The following CHPF variants were observed in gnomAD, a reference collection of about 807,000 sequenced individuals.
The protein encoded by CHPF is chondroitin polymerizing factor.
A neutral mutation model predicts 55.1 loss-of-function variants in CHPF; 34 were observed. That is an observed-to-expected ratio of 0.62 (90% CI 0.47 to 0.82). The LOEUF (loss-of-function observed/expected upper bound fraction) is 0.82. CHPF is among the 40% of genes least tolerant of loss of function. The probability of loss-of-function intolerance (pLI) is 0.00; values close to 1 mark genes in which losing one functional copy is unlikely to be tolerated. For synonymous variants in CHPF, 489 were observed against 496.6 expected, an observed-to-expected ratio of 0.98 and a Z score of 0.20; for missense variants, 961 against 1,106.1, an observed-to-expected ratio of 0.87 and a Z score of 1.86.
chr2:219,541,850 C>G lies in CHPF; in HGVS notation c.654G>C (p.Leu218=). 6.2e-7 allele frequency: 1 copy of G among 1,611,008 alleles called. No homozygotes were observed. Among genetic ancestry groups the G allele is most frequent in the Non-Finnish European group, 8.5e-7 (1 of 1,178,806 alleles). The change falls in exon 2 of 4, where the codon CTG becomes CTC. Residue 218 remains leucine (L), a synonymous_variant. Transcript: ENST00000243776. ...GLARLTGHLS[L]ASAAHLYLGR... ...CCAGGTACAGGTGGGCGGCGGAGGC[C>G]AGGCTGAGGTGGCCAGTTAGGCGTG...
In CHPF at chr2:219,541,760, C is replaced by T; in HGVS notation, c.744G>A (p.Gly248=). 1 of 1,610,040 alleles carries T rather than the reference C, an allele frequency of 6.2e-7. No homozygotes were observed. The highest frequency in any genetic ancestry group is 8.5e-7 in the Non-Finnish European group (1 of 1,178,280). The change falls in exon 2 of 4, where the codon GGG becomes GGA. Residue 248 remains glycine, a synonymous_variant. Transcript: ENST00000243776. ...TPGRYCHGGF[G]VLLSRMLLQQ... Reference sequence around the variant, plus strand: ...GCAGCAGCATGCGCGACAGCAGCACCCCAAAGCCTCCGTGGCAGTAGCGGC... The same window carrying T: ...GCAGCAGCATGCGCGACAGCAGCACTCCAAAGCCTCCGTGGCAGTAGCGGC...
At chr2:219,540,852 G>C in intron 3 of CHPF, 94 bp downstream of exon 3, 1 of 1,510,916 alleles carries the variant, frequency 6.6e-7, no homozygotes, top group South Asian at 1.2e-5. Context: ...GTTTTGTTCT[G>C]TGATTCTAGT....
rs760742426 is a variant in CHPF at position 219,542,033 on chromosome 2, G to A, written c.471C>T (p.Arg157=). ...RVVFLTGARG[R]RAPPGMAVVT... The stretch of plus-strand genomic sequence containing the variant: ...CCACTGCCATGCCAGGTGGGGCCCG[G>A]CGGCCCCGTGCGCCCGTCAGGAACA... The change falls in exon 2 of 4, where the codon CGC becomes CGT. Residue 157 remains arginine (R), a synonymous_variant. Coordinates refer to ENST00000243776, the MANE Select transcript of CHPF (RefSeq NM_024536.6). 1.3e-5 allele frequency: 21 copies of A among 1,588,682 alleles called. No homozygotes were observed. In the East Asian group the frequency reaches 4.8e-4, roughly 36 times the overall value.
intron 1 of CHPF, chr2:219,542,856 G>A (rs918928123): frequency 3.1e-5 from 32 of 1,046,658 alleles, no homozygotes; most frequent in Non-Finnish European, 3.3e-5. Context: ...TCAGGAACAA[G>A]AGATCCAGGT....
At position 219,542,029 on chromosome 2, in the gene CHPF, C is replaced by A. The variant is rs1483064009; in HGVS notation, c.475G>T (p.Ala159Ser). ...GTCACCACTGCCATGCCAGGTGGGG[C>A]CCGGCGGCCCCGTGCGCCCGTCAGG... ...VFLTGARGRRAPPGMAVVTLG... is the reference protein window; with the variant it reads ...VFLTGARGRRSPPGMAVVTLG... The change falls in exon 2 of 4, where the codon GCC becomes TCC. Residue 159 changes from alanine (A) to serine (S), a missense_variant. This residue lies in a region of CHPF where 936 missense variants were observed against 1,058.4 expected (regional missense o/e 0.88). Coordinates refer to ENST00000243776, the MANE Select transcript of CHPF (RefSeq NM_024536.6). The A allele has an allele frequency of 6.3e-6, 10 of 1,591,462 alleles. No homozygotes were observed. The African/African-American group carries it at 1.3e-4, about 21-fold the overall frequency.
rs1347767374 is a variant in CHPF, at chr2:219,541,865, A to T, written c.639T>A (p.Thr213=). ...CGGCGGAGGCCAGGCTGAGGTGGCC[A>T]GTTAGGCGTGCCAGGCCGTGCGCCT... is the stretch of plus-strand genomic sequence containing the variant. ...YTEAHGLARL[T]GHLSLASAAH... is the part of the protein sequence containing the mutation. The change falls in exon 2 of 4, where the codon ACT becomes ACA. Residue 213 remains threonine, a synonymous_variant. Coordinates refer to ENST00000243776, the MANE Select transcript of CHPF (RefSeq NM_024536.6). 2.5e-6 allele frequency: 4 copies of T among 1,612,570 alleles called. No individual in the cohort carries two copies. In the South Asian group the frequency reaches 4.4e-5, roughly 18 times the overall value.
chr2:219,541,023 C>G lies in CHPF; in HGVS notation c.991G>C (p.Val331Leu). ...GCTTTGTGCAGCTGGTACATGTGCA[C>G]AGGGTCACGCACAGGGTGGGCTGTC... ...ALTAHPVRDP[V>L]HMYQLHKAFA... Residue 331 changes from valine (V) to leucine (L), a missense_variant, in exon 3 of 4, where the codon GTG (valine) becomes CTG (leucine). Val to Leu is a conservative substitution (Grantham distance 32). Around this residue, in one of 3 missense-constraint regions of CHPF, gnomAD observed 936 missense variants for 1,058.4 expected, o/e 0.88. Transcript: ENST00000243776. The G allele has an allele frequency of 6.2e-7, 1 of 1,614,034 alleles. No individual in the cohort carries two copies. Among genetic ancestry groups the G allele is most frequent in the Non-Finnish European group, 8.5e-7 (1 of 1,179,970 alleles).
In CHPF at chr2:219,540,007, G is replaced by A; in HGVS notation, c.1704C>T (p.Ala568=). The part of the protein sequence containing the change: ...AHADVFAPVK[A]HVAELERRFP... ...AACGCCGCTCCAGCTCTGCCACGTG[G>A]GCCTTGACAGGTGCGAAGACATCTG... is the stretch of plus-strand genomic sequence containing the variant. The change falls in exon 4 of 4, where the codon GCC becomes GCT. Residue 568 remains alanine, a synonymous_variant. Transcript: ENST00000243776. The A allele has an allele frequency of 4.3e-6, 7 of 1,613,604 alleles. No homozygotes were observed. The highest frequency in any genetic ancestry group is 5.9e-6 in the Non-Finnish European group (7 of 1,179,964).
chr2:219,541,191 G>A, intron 2 of CHPF, 66 bp from the exon 3 acceptor site: 2 of 1,421,738 alleles, frequency 1.4e-6, no homozygotes, highest in Non-Finnish European at 9.4e-7. Context: ...CATAGTAAGT[G>A]TCTCATCTCC....
In CHPF at chr2:219,539,551, C is replaced by G. The variant is rs148492233; in HGVS notation, c.2160G>C (p.Leu720=). The G allele has an allele frequency of 2.8e-5, 45 of 1,613,930 alleles. No homozygotes were observed. The African/African-American group carries it at 4.8e-4, about 17-fold the overall frequency. ...LFLHFSSLHV[L]RAVEPALLQR... The stretch of plus-strand genomic sequence containing the variant: ...GCAGCAGCGCCGGCTCCACCGCCCG[C>G]AGCACATGCAGACTGGAGAAGTGGA... The change falls in exon 4 of 4, where the codon CTG becomes CTC. Residue 720 remains leucine, a synonymous_variant. Coordinates refer to ENST00000243776, the MANE Select transcript of CHPF (RefSeq NM_024536.6).
At chr2:219,541,561 T>C in intron 2 of CHPF, 55 bp downstream of exon 2, 2 of 1,383,488 alleles carry the variant, frequency 1.4e-6, no homozygotes. Flanking sequence ...CCTTTGCCTC[T>C]CAGAGGGATT....
Position 219,541,175 on chromosome 2 carries a change from T to C in CHPF, c.889-50A>G, listed in dbSNP as rs984670661. 35 of 1,500,624 alleles carry C rather than the reference T, an allele frequency of 2.3e-5. No homozygotes were observed. In the East Asian group the frequency reaches 8.0e-4, roughly 34 times the overall value. The allele number at this position is 1,500,624 out of a possible 1,614,324, so 93.0% of individuals were successfully genotyped here. A position where few individuals can be genotyped will look rare whatever the true frequency, so the allele number is the denominator to read the frequency against. ...TGTGATGAGCTGGCATTGTCTTCCGTTGTCTCATAGTAAGTGTCTCATCTC... is the reference window on the plus strand; with the variant it reads ...TGTGATGAGCTGGCATTGTCTTCCGCTGTCTCATAGTAAGTGTCTCATCTC... On this transcript the variant is annotated intron_variant, in intron 2 of 3. Transcript: ENST00000243776.
chr2:219,543,153 G>A (rs574069449), intron 1 of CHPF, 72 bp downstream of exon 1: 4 of 1,372,170 alleles, frequency 2.9e-6, no homozygotes, highest in Non-Finnish European at 1.9e-6. Context: ...AGCCTGACCC[G>A]GGCCCGGGCG....
intron 1 of CHPF, 186 bp downstream of exon 1, chr2:219,543,039 C>T (rs1695311382): frequency 1.5e-6 from 2 of 1,359,822 alleles, no homozygotes; most frequent in East Asian, 3.1e-5. Context: ...CGGGATAGGG[C>T]CCAGAGAAAG....
Position 219,539,791 on chromosome 2 carries a change from A to C in CHPF, c.1920T>G (p.Phe640Leu), listed in dbSNP as rs1695223867. 1.2e-6 allele frequency: 2 copies of C among 1,613,358 alleles called. No homozygotes were observed. Among genetic ancestry groups the C allele is most frequent in the Non-Finnish European group, 1.7e-6 (2 of 1,180,002 alleles). Residue 640 changes from phenylalanine (F) to leucine (L), a missense_variant, in exon 4 of 4, where the codon TTT becomes TTG. Transcript: ENST00000243776. ...GGTGGAAGGCTTGGAAATGCATGGG[A>C]AAGAAGGCCTGCCAGCCGGAGATGG... is the stretch of plus-strand genomic sequence containing the variant. ...MHAISGWQAF[F>L]PMHFQAFHPA...
In CHPF at chr2:219,540,050, G is replaced by A. The variant is rs769960716; in HGVS notation, c.1661C>T (p.Ala554Val). The change falls in exon 4 of 4, where the codon GCC becomes GTC. Residue 554 changes from alanine to valine, a missense_variant. Ala to Val is a moderately conservative substitution (Grantham distance 64, BLOSUM62 0). Transcript: ENST00000243776. ...TLLLLYEPRQ[A>V]QRVAHADVFA... ...GACATCTGCATGGGCCACGCGCTGGGCCTGGCGCGGCTCATACAGTAGCAG... is the reference window on the plus strand; with the variant it reads ...GACATCTGCATGGGCCACGCGCTGGACCTGGCGCGGCTCATACAGTAGCAG... 4 of 1,611,564 alleles carry A rather than the reference G, an allele frequency of 2.5e-6. No individual in the cohort carries two copies. Among genetic ancestry groups the A allele is most frequent in the Non-Finnish European group, 2.5e-6 (3 of 1,179,092 alleles).
In CHPF at chr2:219,541,643, G is replaced by A. The variant is rs1332398438; in HGVS notation, c.861C>T (p.Thr287=). Residue 287 remains threonine, a synonymous_variant, in exon 2 of 4, where the codon ACC becomes ACT. Transcript: ENST00000243776. ...EWLGRCILDA[T]GVGCTGDHEG... The stretch of plus-strand genomic sequence containing the variant: ...CGTGGTCACCAGTGCAGCCCACCCC[G>A]GTGGCATCGAGAATGCAGCGACCCA... The A allele has an allele frequency of 2.5e-6, 4 of 1,590,830 alleles. No individual in the cohort carries two copies. Among genetic ancestry groups the A allele is most frequent in the South Asian group, 2.3e-5 (2 of 87,942 alleles).
intron 3 of CHPF, 63 bp from the exon 4 acceptor site, chr2:219,540,705 G>A (rs914773037): frequency 1.4e-6 from 2 of 1,479,360 alleles, no homozygotes; most frequent in Non-Finnish European, 1.8e-6. Context: ...ACAGCTGGGG[G>A]ACTGGGTAGG....
intron 3 of CHPF, 145 bp downstream of exon 3, chr2:219,540,801 G>A: frequency 7.7e-7 from 1 of 1,293,150 alleles, no homozygotes; most frequent in Non-Finnish European, 1.1e-6. Context: ...CAGCCAAGAG[G>A]CTCATCAGAG....
Sources: allele counts gnomAD v4.1 joint callset, GRCh38; gene constraint gnomAD v4.1.1; regional missense constraint gnomAD v4.1.1; transcripts MANE v1.5; gene names NCBI Gene and HGNC (gene_info 2026-07-23, HGNC 2026-07-21).